The following CAND1 variants were observed in gnomAD, a reference collection of about 807,000 sequenced individuals.
The protein encoded by CAND1 is cullin associated and neddylation dissociated 1.
CAND1 carries 7 observed loss-of-function variants against 108.5 expected under a neutral mutation model. That is an observed-to-expected ratio of 0.06 (90% CI 0.04 to 0.12). CAND1 has a LOEUF of 0.12. Ranked by LOEUF, CAND1 falls within the 10% of genes least tolerant of loss-of-function variation. The pLI is 1.00. For synonymous variants in CAND1, 534 were observed against 512.0 expected, an observed-to-expected ratio of 1.04 and a Z score of -0.58; for missense variants, 941 against 1,448.7, an observed-to-expected ratio of 0.65 and a Z score of 5.69.
intron 11 of CAND1, 112 bp from the exon 12 acceptor site, chr12:67,309,789 G>T: frequency 1.3e-6 from 1 of 744,858 alleles, no homozygotes. Context: ...CGTCACTGAA[G>T]AAATAACAAT....
intron 14 of CAND1, 31 bp from the exon 15 acceptor site, chr12:67,312,575 G>A (rs1224805531): frequency 1.4e-6 from 2 of 1,457,442 alleles, no homozygotes; most frequent in Non-Finnish European, 9.4e-7. Context: ...GTCTTTTATA[G>A]CATGTAATCT....
Position 67,269,387 on chromosome 12 carries a change from A to C in CAND1, c.-331A>C. On this transcript the variant is annotated 5_prime_UTR_variant, in exon 1 of 15. Transcript: ENST00000545606. ...TGCCCTAGGGAGCGAGTGCGGAGCG[A>C]GTGGGAGCGAGACGGCCCTGAGTGG... is the stretch of plus-strand genomic sequence containing the variant. 3.0e-6 allele frequency: 1 copy of C among 332,990 alleles called. No individual in the cohort carries two copies. Among genetic ancestry groups the C allele is most frequent in the Non-Finnish European group, 5.5e-6 (1 of 182,190 alleles). 20.6% of individuals were successfully genotyped at this position (332,990 alleles called of 1,614,324 possible). A position where few individuals can be genotyped will look rare whatever the true frequency, so the allele number is the denominator to read the frequency against.
intron 11 of CAND1, 138 bp from the exon 12 acceptor site, chr12:67,309,763 C>G (rs1173749002): frequency 1.7e-6 from 1 of 574,248 alleles, no homozygotes; most frequent in Non-Finnish European, 3.0e-6. Context: ...AGTGTTTCAT[C>G]AGGTTCTTCC....
At chr12:67,298,406 C>T (rs1465817239) in intron 6 of CAND1, among the ~76,000 whole-genome samples, 2 of 152,062 alleles carry the variant, frequency 1.3e-5, no homozygotes, top group African/African-American at 4.8e-5. Flanking sequence ...TGCATTTATC[C>T]CTTGACACTC....
At chr12:67,294,631 C>G (rs1592614811) in intron 3 of CAND1, among the ~76,000 whole-genome samples, 2 of 152,178 alleles carry the variant, frequency 1.3e-5, no homozygotes, top group Admixed American at 1.3e-4. Flanking sequence ...TACTAGTTAT[C>G]TATAATATCT....
intron 7 of CAND1, among the ~76,000 whole-genome samples, chr12:67,300,986 T>C (rs893446075): frequency 6.6e-6 from 1 of 152,162 alleles, no homozygotes; most frequent in Non-Finnish European, 1.5e-5. Flanking sequence ...GTTTTTGTGA[T>C]TTATAAAATC....
intron 1 of CAND1, among the ~76,000 whole-genome samples, chr12:67,272,413 C>A (rs1005594314): frequency 6.6e-6 from 1 of 152,132 alleles, no homozygotes; most frequent in East Asian, 1.9e-4. Flanking sequence ...CATAAAATTT[C>A]AGGTCTATTT....
rs1360090379 is a variant in CAND1, at chr12:67,316,263, A to G, written c.*3433A>G. On this transcript the variant is annotated 3_prime_UTR_variant, in exon 15 of 15. Transcript: ENST00000545606. ...TTAACTGACTTTTCCATTTAAATAA[A>G]ATTCATTTGATAATTTTGGTTGCAA... 6.6e-6 allele frequency: 1 copy of G among 152,244 alleles called. No homozygotes were observed. Among genetic ancestry groups the G allele is most frequent in the Non-Finnish European group, 1.5e-5 (1 of 68,040 alleles). The allele number at this position is 152,244 out of a possible 1,614,324, so 9.4% of individuals were successfully genotyped here.
In CAND1 at chr12:67,305,482, G is replaced by T. The variant is rs753736341; in HGVS notation, c.1814G>T (p.Gly605Val). ...ATTTGCAACCTTGGAGACAATTTGG[G>T]TTCTGACTTGCCTAATACACTTCAG... ...QIICNLGDNL[G>V]SDLPNTLQIF... Residue 605 changes from glycine to valine, a missense_variant, in exon 10 of 15, where the codon GGT (glycine) becomes GTT (valine). This residue lies in a region of CAND1 where 697 missense variants were observed against 942.0 expected (regional missense o/e 0.74). Coordinates refer to ENST00000545606, the MANE Select transcript of CAND1 (RefSeq NM_018448.5). The surrounding 1 kb of genome is among the most constrained non-coding windows in gnomAD (Gnocchi z 4.4). 1.9e-6 allele frequency: 3 copies of T among 1,613,716 alleles called. No individual in the cohort carries two copies. The highest frequency in any genetic ancestry group is 1.7e-6 in the Non-Finnish European group (2 of 1,180,000).
rs115975338 is a variant in CAND1, at chr12:67,299,453, A to G, written c.1000+358A>G. 6.7e-3 allele frequency among the ~76,000 whole-genome samples: 1,027 copies of G among 152,240 alleles called. 7 individuals carry two copies. The highest frequency in any genetic ancestry group is 0.023 in the African/African-American group (971 of 41,548). On this transcript the variant is annotated intron_variant, in intron 7 of 14. Transcript: ENST00000545606. ...ACTTGTTTTCTCTTGGCTAGGAACT[A>G]TGTATGATTTTTGGTTTTAAGTACT... is the stretch of plus-strand genomic sequence containing the variant.
At chr12:67,302,105 C>G (rs1352593973) in intron 7 of CAND1, among the ~76,000 whole-genome samples, 1 of 152,032 alleles carries the variant, frequency 6.6e-6, no homozygotes, top group Non-Finnish European at 1.5e-5. Flanking sequence ...ATTAAAAATA[C>G]CATTATGTTT....
In CAND1 at chr12:67,281,189, G is replaced by A. The variant is rs534844617; in HGVS notation, c.69-721G>A. Among the ~76,000 whole-genome samples, 9 of 151,260 alleles carry A rather than the reference G, an allele frequency of 6.0e-5. No individual in the cohort carries two copies. The East Asian group carries it at 1.7e-3, about 29-fold the overall frequency. On this transcript the variant is annotated intron_variant, in intron 1 of 14. Coordinates refer to ENST00000545606, the MANE Select transcript of CAND1 (RefSeq NM_018448.5). ...TACTAAAAATACAAAAATTAGCTGG[G>A]CGTGGTGACAGGCGCCTGTAATCCC...
intron 2 of CAND1, among the ~76,000 whole-genome samples, chr12:67,287,618 A>G (rs1400031916): frequency 6.6e-6 from 1 of 152,054 alleles, no homozygotes; most frequent in Non-Finnish European, 1.5e-5. Flanking sequence ...TCATTAATTA[A>G]TTGAATCAGG....
At chr12:67,307,103 G>T (rs1050552158) in intron 10 of CAND1, among the ~76,000 whole-genome samples, 24 of 152,044 alleles carry the variant, frequency 1.6e-4, no homozygotes, top group Admixed American at 1.6e-3. Flanking sequence ...ATTTTTAAGC[G>T]GTTTTGGATT....
At chr12:67,277,884 T>C (rs2044584423) in intron 1 of CAND1, among the ~76,000 whole-genome samples, 1 of 152,144 alleles carries the variant, frequency 6.6e-6, no homozygotes, top group South Asian at 2.1e-4. Flanking sequence ...TTCTCCTAAC[T>C]AGTCTCCATT....
At chr12:67,280,667 T>G (rs936451247) in intron 1 of CAND1, among the ~76,000 whole-genome samples, 5 of 152,228 alleles carry the variant, frequency 3.3e-5, no homozygotes, top group African/African-American at 1.2e-4. Context: ...TATCTCATAT[T>G]CTGAGAAATC....
Position 67,314,263 on chromosome 12 carries a change from C to T in CAND1, c.*1433C>T, listed in dbSNP as rs573112734. 1 of 152,286 alleles carries T rather than the reference C, an allele frequency of 6.6e-6. No homozygotes were observed. Among genetic ancestry groups the T allele is most frequent in the African/African-American group, 2.4e-5 (1 of 41,564 alleles). 9.4% of individuals were successfully genotyped at this position (152,286 alleles called of 1,614,324 possible). On this transcript the variant is annotated 3_prime_UTR_variant, in exon 15 of 15. Coordinates refer to ENST00000545606, the MANE Select transcript of CAND1 (RefSeq NM_018448.5). The stretch of plus-strand genomic sequence containing the variant: ...GTTTTGAAACTGTGAATTAGAAACA[C>T]TTTTCCTGCTGTATTACTACCTGCT...
In CAND1 at chr12:67,312,316, T is replaced by C. The variant is rs566074169; in HGVS notation, c.3469-290T>C. Among the ~76,000 whole-genome samples the C allele has an allele frequency of 6.6e-5, 10 of 152,188 alleles. No homozygotes were observed. The South Asian group carries it at 2.1e-3, about 32-fold the overall frequency. ...TACTTTCTTGATGGGGGCTAAAGTG[T>C]GAGACTTGCTAAGCAGATAGTTGAA... is the stretch of plus-strand genomic sequence containing the variant. On this transcript the variant is annotated intron_variant, in intron 14 of 14. Coordinates refer to ENST00000545606, the MANE Select transcript of CAND1 (RefSeq NM_018448.5).
At chr12:67,270,054 C>G (rs952730872) in intron 1 of CAND1, 8 of 449,648 alleles carry the variant, frequency 1.8e-5, no homozygotes, top group Admixed American at 9.1e-5. Context: ...CCACATCCTT[C>G]CCTGCCCCAC....
Sources: allele counts gnomAD v4.1 joint callset (sites outside exome capture counted in the v4.1 genomes callset), GRCh38; gene constraint gnomAD v4.1.1; regional missense constraint gnomAD v4.1.1; non-coding constraint Gnocchi (gnomAD v3.1); transcripts MANE v1.5; gene names NCBI Gene and HGNC (gene_info 2026-07-23, HGNC 2026-07-21).